Variants in CEP85 observed in about 807,000 individuals in gnomAD.
The protein encoded by CEP85 is centrosomal protein of 85 kDa.
In CEP85, 58 loss-of-function variants were observed where a neutral mutation model predicts 93.7. The observed-to-expected ratio is 0.62, with a 90% CI of 0.50 to 0.77. The LOEUF (loss-of-function observed/expected upper bound fraction) is 0.77, where lower values mean the gene tolerates loss of function less well. Ranked by LOEUF, CEP85 falls within the 30% of genes least tolerant of loss-of-function variation. CEP85 has a pLI of 0.00. For missense variants in CEP85, 868 were observed against 922.0 expected (o/e 0.94, Z 0.76); for synonymous variants, 314 against 338.6 (o/e 0.93, Z 0.80).
At position 26,278,302 on chromosome 1, in the gene CEP85, C is replaced by T. The variant is rs984284184; in HGVS notation, c.*1009C>T. 2.0e-5 allele frequency: 3 copies of T among 152,646 alleles called. No individual in the cohort carries two copies. Among genetic ancestry groups the T allele is most frequent in the Non-Finnish European group, 2.9e-5 (2 of 68,066 alleles). 9.5% of individuals were successfully genotyped at this position (152,646 alleles called of 1,614,324 possible). ...TTTTAGTGTTTCCTGGGTTGTTTCT[C>T]TGGGGCTTTAGTGAGGGACCTTTGC... On this transcript the variant is annotated 3_prime_UTR_variant, in exon 14 of 14. Coordinates refer to ENST00000451429, the MANE Select transcript of CEP85 (RefSeq NM_001319944.2).
chr1:26,268,387 G>A, intron 7 of CEP85, 96 bp from the exon 8 acceptor site: 3 of 1,397,162 alleles, frequency 2.1e-6, no homozygotes, highest in Non-Finnish European at 3.0e-6. Flanking sequence ...GAGCCTGGGA[G>A]GTGGAGGCTG....
At chr1:26,235,473 T>C (rs972676269) in intron 1 of CEP85, among the ~76,000 whole-genome samples, 8 of 152,118 alleles carry the variant, frequency 5.3e-5, no homozygotes, top group African/African-American at 1.9e-4. Flanking sequence ...TGTGTCTGTG[T>C]CAGCTGTCTG....
At chr1:26,276,966 C>A (rs1269855015) in intron 13 of CEP85, among the ~76,000 whole-genome samples, 170 bp from the exon 14 acceptor site, 2 of 152,176 alleles carry the variant, frequency 1.3e-5, no homozygotes, top group Non-Finnish European at 2.9e-5. Flanking sequence ...GCATGCAGGA[C>A]AAACTAAAAG....
In CEP85 at chr1:26,239,845, A is replaced by G. The variant is rs1334571677; in HGVS notation, c.55+7A>G. ...TCTCACGTCACTTCACCGAGTGAGT[A>G]GTCAGAAGTTTTCTGGGTTAAATTC... is the stretch of plus-strand genomic sequence containing the variant. On this transcript the variant is annotated splice_region_variant and intron_variant, in intron 2 of 13. Coordinates refer to ENST00000451429, the MANE Select transcript of CEP85 (RefSeq NM_001319944.2). The G allele has an allele frequency of 3.7e-6, 6 of 1,607,414 alleles. No individual in the cohort carries two copies. The highest frequency in any genetic ancestry group is 5.1e-6 in the Non-Finnish European group (6 of 1,173,974).
intron 1 of CEP85, among the ~76,000 whole-genome samples, chr1:26,235,019 A>G (rs2089302889): frequency 6.6e-6 from 1 of 152,220 alleles, no homozygotes; most frequent in South Asian, 2.1e-4. Context: ...CCAAAATGTC[A>G]GTAGGGCGGA....
Position 26,277,000 on chromosome 1 carries a change from C to G in CEP85, c.2129-136C>G, listed in dbSNP as rs551928909. 8.1e-6 allele frequency: 8 copies of G among 984,902 alleles called. No homozygotes were observed. The East Asian group carries it at 1.9e-4, about 24-fold the overall frequency. 61.0% of individuals were successfully genotyped at this position (984,902 alleles called of 1,614,324 possible). Reference sequence around the variant, plus strand: ...AGTGGACCTTCAGCAGCAAATTAACCCACTGTCCCCAGATGCTTTTTTTAA... The same window carrying G: ...AGTGGACCTTCAGCAGCAAATTAACGCACTGTCCCCAGATGCTTTTTTTAA... On this transcript the variant is annotated intron_variant, in intron 13 of 13. Coordinates refer to ENST00000451429, the MANE Select transcript of CEP85 (RefSeq NM_001319944.2).
chr1:26,244,509 T>C (rs2089479802), intron 3 of CEP85, among the ~76,000 whole-genome samples, 191 bp downstream of exon 3: 1 of 152,160 alleles, frequency 6.6e-6, no homozygotes, highest in Non-Finnish European at 1.5e-5. Context: ...ATTTCTACTT[T>C]TTATCTTATC....
intron 11 of CEP85, among the ~76,000 whole-genome samples, chr1:26,272,616 C>CTTTTT (rs1557668798): frequency 2.6e-5 from 3 of 116,862 alleles, no homozygotes; most frequent in Admixed American, 8.9e-5. Context: ...TCTATTACAG[C>CTTTTT]ATTTTTTTTT....
At chr1:26,262,444 C>T (rs2089825221) in intron 7 of CEP85, among the ~76,000 whole-genome samples, 2 of 151,694 alleles carry the variant, frequency 1.3e-5, no homozygotes, top group African/African-American at 4.9e-5. Context: ...CACCACTGCT[C>T]TCTAATCTGG....
At chr1:26,273,742 A>G (rs938284168) in intron 11 of CEP85, among the ~76,000 whole-genome samples, 1 of 151,980 alleles carries the variant, frequency 6.6e-6, no homozygotes, top group Non-Finnish European at 1.5e-5. Flanking sequence ...TAAGAATACA[A>G]AAAGATTAGC....
Position 26,258,219 on chromosome 1 carries a change from C to T in CEP85, c.1114C>T (p.Arg372Cys), listed in dbSNP as rs778329650. ...ELQVHSALLG[R>C]PAPFGDVCLL... The stretch of plus-strand genomic sequence containing the variant: ...GCAAGTCCACAGTGCCCTCTTGGGC[C>T]GCCCTGCCCCCTTTGGTGATGTCTG... Residue 372 changes from arginine (R) to cysteine (C), a missense_variant, in exon 6 of 14, where the codon CGC becomes TGC. Transcript: ENST00000451429. The T allele has an allele frequency of 1.1e-5, 18 of 1,613,878 alleles. No individual in the cohort carries two copies. Among genetic ancestry groups the T allele is most frequent in the African/African-American group, 2.7e-5 (2 of 74,910 alleles).
chr1:26,251,499 C>T (rs979427643), intron 3 of CEP85, among the ~76,000 whole-genome samples: 11 of 152,076 alleles, frequency 7.2e-5, no homozygotes, highest in African/African-American at 2.2e-4. Flanking sequence ...GATCCGCCCA[C>T]CTCAGCCTCC....
Position 26,244,296 on chromosome 1 carries a change from A to C in CEP85, c.186A>C (p.Thr62=). The C allele has an allele frequency of 1.2e-6, 2 of 1,614,050 alleles. No individual in the cohort carries two copies. Among genetic ancestry groups the C allele is most frequent in the Non-Finnish European group, 8.5e-7 (1 of 1,179,988 alleles). ...VADSGDTAIG[T]SCSDIAEDFC... ...ACAGTGGGGACACAGCCATTGGTAC[A>C]TCATGCTCAGATATTGCGGAGGGTA... Residue 62 remains threonine, a synonymous_variant, in exon 3 of 14, where the codon ACA becomes ACC. Coordinates refer to ENST00000451429, the MANE Select transcript of CEP85 (RefSeq NM_001319944.2).
chr1:26,273,860 G>C (rs2090013035), intron 11 of CEP85, among the ~76,000 whole-genome samples: 2 of 151,550 alleles, frequency 1.3e-5, no homozygotes, highest in Non-Finnish European at 1.5e-5. Flanking sequence ...TCACGCCACT[G>C]CACTCCAGCC....
chr1:26,260,349 G>T (rs914321104), intron 7 of CEP85, among the ~76,000 whole-genome samples: 40 of 152,230 alleles, frequency 2.6e-4, no homozygotes, highest in African/African-American at 9.4e-4. Flanking sequence ...AAATTAGCTG[G>T]GTGTGGTGGC....
At chr1:26,271,973 A>AC in intron 10 of CEP85, 48 bp from the exon 11 acceptor site, 1 of 1,590,208 alleles carries the variant, frequency 6.3e-7, no homozygotes, top group Non-Finnish European at 8.6e-7. Context: ...CTCTGTCCTC[A>AC]CCGTCAGCCT....
At chr1:26,275,216 T>G in intron 12 of CEP85, 145 bp downstream of exon 12, 2 of 611,902 alleles carry the variant, frequency 3.3e-6, no homozygotes, top group South Asian at 2.0e-5. Flanking sequence ...GAAAGGTGCA[T>G]TGCATCATTC....
rs555829406 is a variant in CEP85 at position 26,264,996 on chromosome 1, T to C, written c.1342-3487T>C. Among the ~76,000 whole-genome samples, 10 of 146,738 alleles carry C rather than the reference T, an allele frequency of 6.8e-5. No homozygotes were observed. The South Asian group carries it at 2.2e-3, about 32-fold the overall frequency. On this transcript the variant is annotated intron_variant, in intron 7 of 13. Coordinates refer to ENST00000451429, the MANE Select transcript of CEP85 (RefSeq NM_001319944.2). ...CACACCCGGCTTTTTTTTTTTTTTTTTTTTTTTAGATAGAGTCTCGCTTTG... is the reference window on the plus strand; with the variant it reads ...CACACCCGGCTTTTTTTTTTTTTTTCTTTTTTTAGATAGAGTCTCGCTTTG...
chr1:26,268,390 G>GCA, intron 7 of CEP85, 93 bp from the exon 8 acceptor site: 1 of 1,435,684 alleles, frequency 7.0e-7, no homozygotes. Flanking sequence ...CCTGGGAGGT[G>GCA]GAGGCTGCAG....
Sources: gnomAD v4.1 joint callset for allele counts (sites outside exome capture counted in the v4.1 genomes callset) on GRCh38, gnomAD v4.1.1 for gene constraint, MANE v1.5 for transcripts, NCBI Gene and HGNC (gene_info 2026-07-23, HGNC 2026-07-21) for gene names.